Variants in ANKFN1 observed in about 807,000 individuals in gnomAD.
ANKFN1 encodes the protein ankyrin repeat and fibronectin type-III domain-containing protein 1.
A neutral mutation model predicts 108.7 loss-of-function variants in ANKFN1; 74 were observed. That is an observed-to-expected ratio of 0.68 (90% confidence interval 0.56 to 0.83). The LOEUF is 0.83. ANKFN1 is among the 40% of genes least tolerant of loss of function. The pLI, the probability that ANKFN1 is intolerant of heterozygous loss-of-function variation, is 0.00. For missense variants in ANKFN1, 1,505 were observed against 1,382.3 expected (o/e 1.09, Z -1.41); for synonymous variants, 547 against 516.2 (o/e 1.06, Z -0.81).
chr17:56,115,880 G>T (rs1906236708), intron 4 of ANKFN1, among the ~76,000 whole-genome samples: 2 of 152,160 alleles, frequency 1.3e-5, no homozygotes, highest in South Asian at 4.1e-4. Context: ...CAGGGGAACG[G>T]CCAGGCAGGA....
At chr17:56,298,688 TAGAG>T (rs77243825) in intron 3 of ANKFN1, among the ~76,000 whole-genome samples, 18 of 152,116 alleles carry the variant, frequency 1.2e-4, no homozygotes, top group Middle Eastern at 3.4e-3. Flanking sequence ...TTTATATATA[TAGAG>T]AGAGAGAGAT....
At chr17:56,074,922 A>G (rs935052909) in intron 4 of ANKFN1, among the ~76,000 whole-genome samples, 5 of 152,340 alleles carry the variant, frequency 3.3e-5, no homozygotes, top group African/African-American at 7.2e-5. Context: ...CCAATAACCC[A>G]CCATATTTTG....
At chr17:56,140,965 T>G (rs1465906812) in intron 4 of ANKFN1, among the ~76,000 whole-genome samples, 1 of 152,194 alleles carries the variant, frequency 6.6e-6, no homozygotes, top group African/African-American at 2.4e-5. Context: ...TTTCTTTATA[T>G]CTCCACAGTC....
rs1252287941 is a variant in ANKFN1, at chr17:56,467,786, AGAAAG to A, written c.1773+1216_1773+1220del. Among the ~76,000 whole-genome samples the A allele has an allele frequency of 8.4e-4, 86 of 101,986 alleles. 1 individual carries two copies. The highest frequency in any genetic ancestry group is 4.6e-3 in the African/African-American group (71 of 15,454). 66.9% of individuals were successfully genotyped at this position (101,986 alleles called of 152,430 possible). A position where few individuals can be genotyped will look rare whatever the true frequency, so the allele number is the denominator to read the frequency against. Reference sequence around the variant, plus strand: ...AAGAAAGAAAGAAAGAAAGAAAGAAAGAAAGAAGAAAGAAAGAAAGAAAGAAAGAA... The same window carrying A: ...AAGAAAGAAAGAAAGAAAGAAAGAAAAAGAAAGAAAGAAAGAAAGAAAGAA... On this transcript the variant is annotated intron_variant, in intron 15 of 20. Coordinates refer to ENST00000682825, the MANE Select transcript of ANKFN1 (RefSeq NM_001370326.1).
At chr17:56,261,714 A>G (rs1299867388) in intron 3 of ANKFN1, among the ~76,000 whole-genome samples, 5 of 152,182 alleles carry the variant, frequency 3.3e-5, no homozygotes, top group African/African-American at 1.2e-4. Context: ...TAGTCCTTCC[A>G]CGTTCTTCTG....
intron 11 of ANKFN1, among the ~76,000 whole-genome samples, chr17:56,454,344 C>T (rs2049607517): frequency 6.6e-6 from 1 of 152,176 alleles, no homozygotes; most frequent in African/African-American, 2.4e-5. Context: ...ATAAGGGATG[C>T]AAGTCTTCTC....
intron 14 of ANKFN1, among the ~76,000 whole-genome samples, chr17:56,465,491 G>T (rs1243009864): frequency 6.6e-6 from 1 of 152,074 alleles, no homozygotes; most frequent in Non-Finnish European, 1.5e-5. Flanking sequence ...TGCTAACAGG[G>T]CATCTCACCA....
chr17:56,466,310 G>C (rs748709780), intron 14 of ANKFN1, 46 bp from the exon 15 acceptor site: 2 of 1,531,064 alleles, frequency 1.3e-6, no homozygotes, highest in African/African-American at 2.7e-5. Flanking sequence ...GTGTTGCTTT[G>C]TTAGCATAAT....
chr17:56,290,729 G>A (rs1400391837), intron 3 of ANKFN1, among the ~76,000 whole-genome samples: 3 of 152,186 alleles, frequency 2.0e-5, no homozygotes, highest in Non-Finnish European at 4.4e-5. Context: ...TAGGCAGGCA[G>A]ATGGTAACTA....
At chr17:56,381,843 C>T (rs1462606907) in intron 8 of ANKFN1, among the ~76,000 whole-genome samples, 1 of 152,066 alleles carries the variant, frequency 6.6e-6, no homozygotes, top group African/African-American at 2.4e-5. Flanking sequence ...GAGAATGGAA[C>T]CAAGTTGGAA....
intron 11 of ANKFN1, among the ~76,000 whole-genome samples, chr17:56,455,423 C>A (rs929586): frequency 0.54 from 82,095 of 152,102 alleles, 26,016 homozygotes; most frequent in East Asian, 0.87. Flanking sequence ...CCATTACCAA[C>A]GTAAGCTTGA....
At chr17:56,280,479 G>A (rs1021451384) in intron 3 of ANKFN1, among the ~76,000 whole-genome samples, 4 of 152,146 alleles carry the variant, frequency 2.6e-5, no homozygotes, top group African/African-American at 9.7e-5. Flanking sequence ...CCAGTTCTCA[G>A]GTCTTTGTCC....
At chr17:56,232,743 G>A (rs1916833772) in intron 3 of ANKFN1, among the ~76,000 whole-genome samples, 2 of 152,108 alleles carry the variant, frequency 1.3e-5, no homozygotes, top group Non-Finnish European at 2.9e-5. Flanking sequence ...CAGATGCTCA[G>A]TAAATGCTTA....
At chr17:56,192,950 C>T (rs1261656128) in intron 1 of ANKFN1, among the ~76,000 whole-genome samples, 2 of 141,972 alleles carry the variant, frequency 1.4e-5, no homozygotes, top group African/African-American at 2.7e-5. Context: ...GACACATGCA[C>T]ACATATGTTT....
At chr17:56,480,617 G>A in intron 16 of ANKFN1, 51 bp from the exon 17 acceptor site, 1 of 1,582,140 alleles carries the variant, frequency 6.3e-7, no homozygotes, top group Non-Finnish European at 8.7e-7. Flanking sequence ...GTTCTGAGCT[G>A]TGTTCTGAAC....
chr17:56,210,570 C>T (rs1434089083), intron 1 of ANKFN1, among the ~76,000 whole-genome samples: 1 of 152,060 alleles, frequency 6.6e-6, no homozygotes, highest in East Asian at 1.9e-4. Context: ...GTCCTTAGCC[C>T]ACTTTTGGAT....
intron 3 of ANKFN1, chr17:56,323,142 G>C (rs1178397037): frequency 6.6e-6 from 1 of 152,128 alleles, no homozygotes; most frequent in Non-Finnish European, 1.5e-5. Flanking sequence ...TGGGTGGAGG[G>C]GAAGTTCTGA....
chr17:56,115,401 G>A (rs1340911713), intron 4 of ANKFN1, among the ~76,000 whole-genome samples: 1 of 152,122 alleles, frequency 6.6e-6, no homozygotes, highest in East Asian at 1.9e-4. Context: ...CACAGAAGAA[G>A]CAAGTTGGAG....
chr17:56,094,121 C>A (rs1023107942), intron 4 of ANKFN1, among the ~76,000 whole-genome samples: 1 of 151,046 alleles, frequency 6.6e-6, no homozygotes, highest in Non-Finnish European at 1.5e-5. Flanking sequence ...GAAAGATTGC[C>A]AGCAAGCCAC....
Sources: gnomAD v4.1 joint callset for allele counts (sites outside exome capture counted in the v4.1 genomes callset) on GRCh38, gnomAD v4.1.1 for gene constraint, MANE v1.5 for transcripts, NCBI Gene and HGNC (gene_info 2026-07-23, HGNC 2026-07-21) for gene names.